RTP2: variants seen among roughly 807,000 people sequenced by gnomAD.
The protein encoded by RTP2 is receptor-transporting protein 2.
A neutral mutation model predicts 17.9 loss-of-function variants in RTP2; 12 were observed. The observed-to-expected ratio is 0.67, with a 90% confidence interval of 0.43 to 1.09. The LOEUF (loss-of-function observed/expected upper bound fraction) is 1.09. RTP2 is among the 50% of genes least tolerant of loss of function. The pLI is 0.00. For missense variants in RTP2, 327 were observed against 295.7 expected (o/e 1.11, Z -0.78); for synonymous variants, 126 against 117.7 (o/e 1.07, Z -0.46).
At chr3:187,701,883 G>A (rs1173647452) in intron 1 of RTP2, 82 bp downstream of exon 1, 1 of 1,348,810 alleles carries the variant, frequency 7.4e-7, no homozygotes, top group African/African-American at 1.5e-5. Flanking sequence ...GCCCGCGACT[G>A]GGCTCTGTCT....
At chr3:187,709,823 A>G in the RTP2 span, among the ~76,000 whole-genome samples, 13 of 152,358 alleles carry the variant, frequency 8.5e-5, no homozygotes, top group African/African-American at 2.6e-4. Flanking sequence ...GAATAATTTC[A>G]TATGTCAACT....
At chr3:187,715,011 G>C in the RTP2 span, among the ~76,000 whole-genome samples, 1 of 152,022 alleles carries the variant, frequency 6.6e-6, no homozygotes, top group Non-Finnish European at 1.5e-5. Flanking sequence ...GACACAACTT[G>C]GTCCCTGGAG....
chr3:187,707,374 T>G (rs1422518511), upstream of RTP2, among the ~76,000 whole-genome samples: 1 of 152,188 alleles, frequency 6.6e-6, no homozygotes, highest in Non-Finnish European at 1.5e-5. Context: ...TTGGAAAACA[T>G]GCATTGTCAC....
At chr3:187,714,450 A>G in the RTP2 span, among the ~76,000 whole-genome samples, 1 of 152,234 alleles carries the variant, frequency 6.6e-6, no homozygotes, top group African/African-American at 2.4e-5. Flanking sequence ...GATGACGAAG[A>G]GGATTTAGAA....
exon 2 of RTP2, chr3:187,698,355 T>G (rs1308543849): frequency 3.0e-6 from 2 of 665,284 alleles, no homozygotes; most frequent in Non-Finnish European, 5.0e-6. Context: ...TGCAATCCTC[T>G]CATTCCGCAG....
exon 2 of RTP2, chr3:187,698,952 T>C (rs143072121): frequency 2.6e-5 from 41 of 1,606,284 alleles, no homozygotes; most frequent in Middle Eastern, 1.6e-4. Context: ...CAGGAACATG[T>C]GGAAGAGGAT....
At chr3:187,713,992 A>G in the RTP2 span, among the ~76,000 whole-genome samples, 1 of 152,156 alleles carries the variant, frequency 6.6e-6, no homozygotes, top group African/African-American at 2.4e-5. Context: ...TGCCTGTGCT[A>G]GCTGAGTGTC....
Position 187,700,516 on chromosome 3 carries a change from G to A in RTP2, c.164+1449C>T, listed in dbSNP as rs576547377. On this transcript the variant is annotated intron_variant, in intron 1 of 1. Transcript: ENST00000358241. The stretch of plus-strand genomic sequence containing the variant: ...ACATGAGCTTGCTGAGCTCAGCCCC[G>A]AAACTCTGGATCCTGGGCACTCAAG... Among the ~76,000 whole-genome samples, 233 of 152,320 alleles carry A rather than the reference G, an allele frequency of 1.5e-3. 1 individual carries two copies. The highest frequency in any genetic ancestry group is 5.2e-3 in the African/African-American group (215 of 41,566).
At chr3:187,707,581 T>C in the RTP2 span, among the ~76,000 whole-genome samples, 1 of 152,226 alleles carries the variant, frequency 6.6e-6, no homozygotes, top group African/African-American at 2.4e-5. Flanking sequence ...TTAGGACATC[T>C]GGATCACACA....
exon 2 of RTP2, chr3:187,698,494 T>G (rs779395555): frequency 1.3e-6 from 2 of 1,598,584 alleles, no homozygotes. Flanking sequence ...CTTAACCAGC[T>G]CCACTAAAAG....
the RTP2 span, among the ~76,000 whole-genome samples, chr3:187,713,081 A>G: frequency 0.2 from 31,082 of 152,064 alleles, 3,222 homozygotes; most frequent in South Asian, 0.28. Context: ...TCAGGAGACC[A>G]GTGCTTAAGG....
chr3:187,702,173 A>G (rs756028101), exon 1 of RTP2: 5 of 1,557,600 alleles, frequency 3.2e-6, no homozygotes, highest in Admixed American at 3.6e-5. Context: ...CCCTGGTGAG[A>G]ACACAGAAAG....
At chr3:187,710,639 A>C in the RTP2 span, among the ~76,000 whole-genome samples, 3 of 151,982 alleles carry the variant, frequency 2.0e-5, no homozygotes, top group South Asian at 6.2e-4. Flanking sequence ...ACATACACAC[A>C]CACAAACACA....
the RTP2 span, among the ~76,000 whole-genome samples, chr3:187,709,282 G>A: frequency 3.3e-5 from 5 of 152,200 alleles, no homozygotes; most frequent in Non-Finnish European, 1.5e-5. Flanking sequence ...GTGAGACACA[G>A]ATTCGGAGCT....
chr3:187,712,018 C>T, the RTP2 span, among the ~76,000 whole-genome samples: 6 of 152,288 alleles, frequency 3.9e-5, no homozygotes, highest in African/African-American at 1.4e-4. Flanking sequence ...AAAAGGGTAG[C>T]ACAAATGGTC....
exon 2 of RTP2, chr3:187,698,379 G>T: frequency 1.2e-6 from 1 of 821,868 alleles, no homozygotes; most frequent in Non-Finnish European, 1.9e-6. Context: ...CATTAACTGA[G>T]GCCCAGAGAG....
the RTP2 span, among the ~76,000 whole-genome samples, chr3:187,708,969 CTT>C: frequency 1.4e-3 from 204 of 142,346 alleles, no homozygotes; most frequent in African/African-American, 3.7e-3. Flanking sequence ...TTTTTTTTTC[CTT>C]TTTTTTTTTT....
the RTP2 span, among the ~76,000 whole-genome samples, chr3:187,712,409 T>C: frequency 3.3e-5 from 5 of 152,194 alleles, no homozygotes; most frequent in Non-Finnish European, 7.3e-5. Flanking sequence ...GTCATAGCTG[T>C]TTTTCAAGTT....
chr3:187,702,902 A>T (rs929572976), upstream of RTP2, among the ~76,000 whole-genome samples: 1 of 152,230 alleles, frequency 6.6e-6, no homozygotes, highest in Non-Finnish European at 1.5e-5. Flanking sequence ...GCACAGTAAT[A>T]ACATTTCAGA....
Sources: allele counts gnomAD v4.1 joint callset (sites outside exome capture counted in the v4.1 genomes callset), GRCh38; gene constraint gnomAD v4.1.1; transcripts MANE v1.5; gene names NCBI Gene and HGNC (gene_info 2026-07-23, HGNC 2026-07-21).